RTN3: variants seen among roughly 807,000 people sequenced by gnomAD.
The protein encoded by RTN3 is reticulon 3.
RTN3 carries 49 observed loss-of-function variants against 77.8 expected under a neutral mutation model. The observed-to-expected ratio is 0.63, with a 90% CI of 0.50 to 0.80. The LOEUF (loss-of-function observed/expected upper bound fraction) is 0.80, where lower values mean the gene tolerates loss of function less well. RTN3 is among the 30% of genes least tolerant of loss of function. The pLI, the probability that RTN3 is intolerant of heterozygous loss-of-function variation, is 0.00. For synonymous variants in RTN3, 464 were observed against 446.9 expected, an observed-to-expected ratio of 1.04 and a Z score of -0.48; for missense variants, 1,236 against 1,211.9, an observed-to-expected ratio of 1.02 and a Z score of -0.29.
chr11:63,744,851 G>C (rs763567518), intron 3 of RTN3, among the ~76,000 whole-genome samples: 1 of 152,136 alleles, frequency 6.6e-6, no homozygotes, highest in African/African-American at 2.4e-5. Flanking sequence ...AATCAACCGG[G>C]AATGGTGGTG....
chr11:63,717,358 T>C (rs990057620), intron 2 of RTN3, among the ~76,000 whole-genome samples: 1 of 151,076 alleles, frequency 6.6e-6, no homozygotes, highest in Non-Finnish European at 1.5e-5. Context: ...TAAAAGTAAT[T>C]CTGGAGTTAA....
At chr11:63,732,518 C>G (rs966589189) in intron 3 of RTN3, among the ~76,000 whole-genome samples, 6 of 151,080 alleles carry the variant, frequency 4.0e-5, no homozygotes, top group African/African-American at 1.5e-4. Flanking sequence ...GCACAGATTA[C>G]CAATATCAAG....
chr11:63,682,524 A>C (rs1392645690), intron 1 of RTN3, among the ~76,000 whole-genome samples: 1 of 152,066 alleles, frequency 6.6e-6, no homozygotes, highest in African/African-American at 2.4e-5. Flanking sequence ...GGGGGTGGGG[A>C]CACGCAATCA....
At chr11:63,708,186 G>A (rs978809617) in intron 2 of RTN3, among the ~76,000 whole-genome samples, 17 of 152,186 alleles carry the variant, frequency 1.1e-4, no homozygotes, top group African/African-American at 4.1e-4. Flanking sequence ...CTTTGAAAGT[G>A]ACTGCTGCCA....
chr11:63,690,199 A>T (rs1334192764), intron 1 of RTN3, among the ~76,000 whole-genome samples: 4 of 152,230 alleles, frequency 2.6e-5, no homozygotes, highest in Non-Finnish European at 1.5e-5. Flanking sequence ...AGATATATGG[A>T]AGGACATTCT....
At chr11:63,682,189 G>A (rs1456231440) in intron 1 of RTN3, among the ~76,000 whole-genome samples, 1 of 152,208 alleles carries the variant, frequency 6.6e-6, no homozygotes, top group Non-Finnish European at 1.5e-5. Flanking sequence ...TTTTTGAGGG[G>A]ATGGTGGTGA....
intron 2 of RTN3, among the ~76,000 whole-genome samples, chr11:63,713,200 G>A (rs1235340031): frequency 6.6e-6 from 1 of 152,122 alleles, no homozygotes; most frequent in Non-Finnish European, 1.5e-5. Flanking sequence ...ATATCTCAGT[G>A]GAGTATTTAG....
intron 3 of RTN3, chr11:63,747,139 A>G (rs1459897025): frequency 1.0e-5 from 4 of 400,092 alleles, no homozygotes; most frequent in Admixed American, 5.6e-5. Flanking sequence ...GATTAGATGC[A>G]GGTTACATGT....
intron 3 of RTN3, among the ~76,000 whole-genome samples, chr11:63,737,041 C>G (rs2013171732): frequency 6.7e-6 from 1 of 150,332 alleles, no homozygotes; most frequent in African/African-American, 2.5e-5. Flanking sequence ...GTTTTGCAAT[C>G]CTAGCTCACT....
At chr11:63,682,695 C>T (rs971135223) in intron 1 of RTN3, among the ~76,000 whole-genome samples, 6 of 152,086 alleles carry the variant, frequency 3.9e-5, no homozygotes, top group African/African-American at 1.2e-4. Flanking sequence ...CTGGTTGAGT[C>T]CCCTTCTCCC....
chr11:63,756,187 A>C lies in RTN3; in HGVS notation c.3053+17A>C. On this transcript the variant is annotated intron_variant, in intron 8 of 8. Coordinates refer to ENST00000377819, the MANE Select transcript of RTN3 (RefSeq NM_001265589.2). Reference sequence around the variant, plus strand: ...TGTTGAAAAGTAAGTACATTTAGAGACCACATCATCATGAGGTATGCTTCC... The same window carrying C: ...TGTTGAAAAGTAAGTACATTTAGAGCCCACATCATCATGAGGTATGCTTCC... 1 of 1,581,012 alleles carries C rather than the reference A, an allele frequency of 6.3e-7. No homozygotes were observed.
chr11:63,730,077 C>T (rs1305747007), intron 3 of RTN3, among the ~76,000 whole-genome samples: 1 of 152,128 alleles, frequency 6.6e-6, no homozygotes, highest in East Asian at 1.9e-4. Context: ...AGGGATTCTC[C>T]TCCCTCAGCC....
intron 2 of RTN3, among the ~76,000 whole-genome samples, chr11:63,712,589 G>A (rs776521131): frequency 3.3e-5 from 5 of 150,142 alleles, no homozygotes; most frequent in African/African-American, 4.9e-5. Context: ...GGGTTCAAGC[G>A]ATTCTCCTGC....
At chr11:63,735,559 T>TCTCA (rs2013042911) in intron 3 of RTN3, among the ~76,000 whole-genome samples, 1 of 133,474 alleles carries the variant, frequency 7.5e-6, no homozygotes, top group Non-Finnish European at 1.6e-5. Context: ...TTTCTCTCTC[T>TCTCA]CTCTCTCTCT....
chr11:63,728,101 A>G (rs557022811), intron 3 of RTN3, among the ~76,000 whole-genome samples: 1 of 152,352 alleles, frequency 6.6e-6, no homozygotes, highest in Non-Finnish European at 1.5e-5. Context: ...GGCCAGAGGA[A>G]AAGACACACG....
At chr11:63,702,666 CTTTG>C (rs1565308807) in intron 1 of RTN3, among the ~76,000 whole-genome samples, 1 of 147,256 alleles carries the variant, frequency 6.8e-6, no homozygotes, top group Non-Finnish European at 1.5e-5. Context: ...GCACACTGCA[CTTTG>C]TTTTTGTTTT....
At chr11:63,712,905 A>G (rs2011204072) in intron 2 of RTN3, among the ~76,000 whole-genome samples, 4 of 152,062 alleles carry the variant, frequency 2.6e-5, no homozygotes, top group Admixed American at 2.6e-4. Flanking sequence ...AGACCAGCCT[A>G]ACCAACGTGG....
At chr11:63,689,676 T>C (rs769807192) in intron 1 of RTN3, among the ~76,000 whole-genome samples, 12 of 151,870 alleles carry the variant, frequency 7.9e-5, no homozygotes, top group Non-Finnish European at 1.8e-4. Context: ...TATAACCATA[T>C]CATTGTAACC....
At chr11:63,710,089 G>C (rs1178207022) in intron 2 of RTN3, among the ~76,000 whole-genome samples, 3 of 152,092 alleles carry the variant, frequency 2.0e-5, no homozygotes, top group African/African-American at 7.2e-5. Flanking sequence ...GAATAGATGA[G>C]TACTAAATCT....
Sources: gnomAD v4.1 joint callset for allele counts (sites outside exome capture counted in the v4.1 genomes callset) on GRCh38, gnomAD v4.1.1 for gene constraint, MANE v1.5 for transcripts, NCBI Gene and HGNC (gene_info 2026-07-23, HGNC 2026-07-21) for gene names.